RAB3GAP1: variants seen among roughly 807,000 people sequenced by gnomAD.
RAB3GAP1 encodes the protein RAB3 GTPase activating protein catalytic subunit 1.
A neutral mutation model predicts 130.7 loss-of-function variants in RAB3GAP1; 86 were observed. The ratio of observed to expected loss-of-function variants is 0.66; its 90% CI spans 0.55 to 0.79. RAB3GAP1 has a LOEUF of 0.79. RAB3GAP1 is among the 30% of genes least tolerant of loss of function. RAB3GAP1 has a pLI of 0.00. For missense variants in RAB3GAP1, 1,029 were observed against 1,169.4 expected (o/e 0.88, Z 1.75); for synonymous variants, 367 against 401.7 (o/e 0.91, Z 1.03).
chr2:135,098,854 A>C (rs1291703081), intron 5 of RAB3GAP1, among the ~76,000 whole-genome samples: 2 of 152,214 alleles, frequency 1.3e-5, no homozygotes, highest in Admixed American at 1.3e-4. Context: ...GTATGTAGGA[A>C]TATGGCTGAT....
chr2:135,133,072 A>G, intron 14 of RAB3GAP1, 88 bp downstream of exon 14: 1 of 837,886 alleles, frequency 1.2e-6, no homozygotes, highest in Non-Finnish European at 1.9e-6. Flanking sequence ...ATAGCTTACT[A>G]TATTTTTATT....
chr2:135,160,881 T>G (rs1339628158), intron 19 of RAB3GAP1, among the ~76,000 whole-genome samples: 1 of 152,144 alleles, frequency 6.6e-6, no homozygotes, highest in African/African-American at 2.4e-5. Context: ...AGTGTGCGAC[T>G]TATTCTGAAA....
chr2:135,062,320 G>A (rs1240303854), intron 3 of RAB3GAP1, among the ~76,000 whole-genome samples: 1 of 152,194 alleles, frequency 6.6e-6, no homozygotes, highest in Admixed American at 6.5e-5. Context: ...ATATTTAATA[G>A]TATCTTTGGT....
chr2:135,162,608 A>G lies in RAB3GAP1; in HGVS notation c.2343A>G (p.Leu781=). 9 of 1,614,152 alleles carry G rather than the reference A, an allele frequency of 5.6e-6. No individual in the cohort carries two copies. The highest frequency in any genetic ancestry group is 7.6e-6 in the Non-Finnish European group (9 of 1,180,018). ...QKPADLARHL[L]PCVIHAAVLK... is the part of the protein sequence containing the mutation. ...CTGCAGACCTTGCTCGGCACCTGTT[A>G]CCTTGTGTGATTCATGCAGCTGTAC... The change falls in exon 20 of 24, where the codon TTA becomes TTG. Residue 781 remains leucine (L), a synonymous_variant. Coordinates refer to ENST00000264158, the MANE Select transcript of RAB3GAP1 (RefSeq NM_012233.3).
intron 5 of RAB3GAP1, among the ~76,000 whole-genome samples, chr2:135,112,699 A>G (rs1690840530): frequency 6.6e-6 from 1 of 152,206 alleles, no homozygotes; most frequent in Non-Finnish European, 1.5e-5. Context: ...AGCGGCAACA[A>G]TAACATCAAT....
rs750258068 is a variant in RAB3GAP1 at position 135,115,178 on chromosome 2, G to A, written c.483-38G>A. On this transcript the variant is annotated intron_variant, in intron 6 of 23. Transcript: ENST00000264158. ...TTGAGGTTCAGGTTTAATGTTTAAT[G>A]AGCTTGTATTCCATTCCTATTTAAT... 3.8e-6 allele frequency: 6 copies of A among 1,564,112 alleles called. No individual in the cohort carries two copies. In the Admixed American group the frequency reaches 1.0e-4, roughly 26 times the overall value.
At chr2:135,133,792 A>T (rs1691609739) in intron 14 of RAB3GAP1, 69 bp from the exon 15 acceptor site, 2 of 1,390,390 alleles carry the variant, frequency 1.4e-6, no homozygotes, top group Admixed American at 1.7e-5. Flanking sequence ...TCTCCCTACG[A>T]CCTTTTCAGT....
chr2:135,061,594 T>G (rs1689171163), intron 3 of RAB3GAP1, among the ~76,000 whole-genome samples: 1 of 152,256 alleles, frequency 6.6e-6, no homozygotes, highest in Non-Finnish European at 1.5e-5. Flanking sequence ...TTTATCTTCC[T>G]TTGTGAAATG....
intron 8 of RAB3GAP1, among the ~76,000 whole-genome samples, chr2:135,123,019 G>A (rs1161542143): frequency 1.3e-5 from 2 of 152,070 alleles, no homozygotes; most frequent in Non-Finnish European, 2.9e-5. Flanking sequence ...TTGAGCCACC[G>A]TGCCCAGCCC....
intron 3 of RAB3GAP1, among the ~76,000 whole-genome samples, chr2:135,071,466 T>C (rs1443326527): frequency 6.6e-6 from 1 of 151,964 alleles, no homozygotes; most frequent in African/African-American, 2.4e-5. Context: ...TCCTTTCTGT[T>C]GTGGGTACGA....
intron 3 of RAB3GAP1, among the ~76,000 whole-genome samples, chr2:135,087,686 A>T (rs1690025908): frequency 6.6e-6 from 1 of 152,202 alleles, no homozygotes; most frequent in African/African-American, 2.4e-5. Context: ...TTGCTAGTAT[A>T]TAAAAATACA....
In RAB3GAP1 at chr2:135,153,852, T is replaced by C. The variant is rs17261772; in HGVS notation, c.2265T>C (p.Phe755=). 579,309 of 1,613,426 alleles carry C rather than the reference T, an allele frequency of 0.36. 150,350 individuals are homozygous for C. Among genetic ancestry groups the C allele is most frequent in the East Asian group, 1 (44,800 of 44,876 alleles). Reference sequence around the variant, plus strand: ...CTGCTAGAAGGCAAAGGAGACTCTTTGATGATACACGGGAAGCAGAAAAGG... The same window carrying C: ...CTGCTAGAAGGCAAAGGAGACTCTTCGATGATACACGGGAAGCAGAAAAGG... ...PIPARRQRRL[F]DDTREAEKVL... The change falls in exon 19 of 24, where the codon TTT becomes TTC. Residue 755 remains phenylalanine, a synonymous_variant. Transcript: ENST00000264158.
intron 3 of RAB3GAP1, among the ~76,000 whole-genome samples, chr2:135,079,867 C>T (rs1270110895): frequency 1.3e-5 from 2 of 152,160 alleles, no homozygotes; most frequent in Non-Finnish European, 2.9e-5. Flanking sequence ...CGGTGGCTCA[C>T]GCCTGTAATC....
At chr2:135,061,863 T>G (rs1470111316) in intron 3 of RAB3GAP1, among the ~76,000 whole-genome samples, 1 of 152,168 alleles carries the variant, frequency 6.6e-6, no homozygotes, top group African/African-American at 2.4e-5. Flanking sequence ...TTCCTTTTTT[T>G]TGTGTATGGA....
chr2:135,101,747 T>G (rs1690454412), intron 5 of RAB3GAP1, among the ~76,000 whole-genome samples: 2 of 152,240 alleles, frequency 1.3e-5, no homozygotes, highest in South Asian at 4.1e-4. Flanking sequence ...TGTGTTTTGC[T>G]GGATGTATTT....
At chr2:135,130,807 A>G in intron 13 of RAB3GAP1, 86 bp downstream of exon 13, 1 of 1,253,308 alleles carries the variant, frequency 8.0e-7, no homozygotes. Flanking sequence ...GTAGGCAGTG[A>G]CCTTGGAATA....
At chr2:135,153,946 A>G (rs1233520095) in intron 19 of RAB3GAP1, 70 bp downstream of exon 19, 17 of 1,438,998 alleles carry the variant, frequency 1.2e-5, no homozygotes, top group Admixed American at 3.5e-5. Flanking sequence ...ACTCACTGTC[A>G]TAGACGTGAG....
chr2:135,155,433 A>G (rs1692283538), intron 19 of RAB3GAP1, among the ~76,000 whole-genome samples: 1 of 152,166 alleles, frequency 6.6e-6, no homozygotes, highest in Non-Finnish European at 1.5e-5. Flanking sequence ...CTTTAAGGAG[A>G]AAAATCAGAA....
chr2:135,176,351 G>C (rs13419577), exon 25 of RAB3GAP1: 1 of 145,112 alleles, frequency 6.9e-6, no homozygotes, highest in East Asian at 1.9e-4. Flanking sequence ...GAATCAACCA[G>C]AGTGTCCATT....
Sources: allele counts gnomAD v4.1 joint callset (sites outside exome capture counted in the v4.1 genomes callset), GRCh38; gene constraint gnomAD v4.1.1; transcripts MANE v1.5; gene names NCBI Gene and HGNC (gene_info 2026-07-23, HGNC 2026-07-21).